The following BICC1 variants were observed in gnomAD, a reference collection of about 807,000 sequenced individuals.
BICC1 encodes the protein protein bicaudal C homolog 1.
BICC1 carries 43 observed loss-of-function variants against 111.0 expected under a neutral mutation model. That is an observed-to-expected ratio of 0.39 (90% CI 0.30 to 0.50). The LOEUF (loss-of-function observed/expected upper bound fraction) is 0.50, where lower values mean the gene tolerates loss of function less well. Ranked by LOEUF, BICC1 falls within the 20% of genes least tolerant of loss-of-function variation. BICC1 has a pLI of 0.88. For missense variants in BICC1, 1,091 were observed against 1,203.2 expected, an observed-to-expected ratio of 0.91 and a Z score of 1.38; for synonymous variants, 467 against 434.4, an observed-to-expected ratio of 1.07 and a Z score of -0.93.
chr10:58,803,430 C>A (rs1467139208), intron 15 of BICC1, among the ~76,000 whole-genome samples, 188 bp downstream of exon 15: 2 of 152,068 alleles, frequency 1.3e-5, no homozygotes, highest in Admixed American at 6.5e-5. Context: ...GCAGTATTTA[C>A]CTTAAGTGAG....
rs115556894 is a variant in BICC1 at position 58,695,301 on chromosome 10, C to G, written c.238-6773C>G. 4.1e-3 allele frequency among the ~76,000 whole-genome samples: 629 copies of G among 152,230 alleles called. 12 individuals are homozygous for G. The highest frequency in any genetic ancestry group is 0.014 in the African/African-American group (598 of 41,530). Reference sequence around the variant, plus strand: ...TAGTTGGCTCTTTTCTCACTTAGCTCCCTTCATGGTGAAATGCAGCGAATA... The same window carrying G: ...TAGTTGGCTCTTTTCTCACTTAGCTGCCTTCATGGTGAAATGCAGCGAATA... On this transcript the variant is annotated intron_variant, in intron 2 of 20. Transcript: ENST00000373886.
At chr10:58,567,868 G>C (rs1478207098) in intron 1 of BICC1, among the ~76,000 whole-genome samples, 1 of 152,066 alleles carries the variant, frequency 6.6e-6, no homozygotes, top group Non-Finnish European at 1.5e-5. Context: ...TGTCTTAAGG[G>C]ACTTACTTAC....
chr10:58,668,357 C>A (rs1319923785), intron 2 of BICC1, among the ~76,000 whole-genome samples: 2 of 152,024 alleles, frequency 1.3e-5, no homozygotes, highest in Non-Finnish European at 2.9e-5. Flanking sequence ...AGGGAAAAAT[C>A]AATAAAGCTT....
chr10:58,818,798 G>A (rs1483485578), intron 19 of BICC1, among the ~76,000 whole-genome samples: 1 of 151,774 alleles, frequency 6.6e-6, no homozygotes, highest in African/African-American at 2.4e-5. Context: ...TCCTTATTTT[G>A]TCTTGCTGGT....
In BICC1 at chr10:58,800,912, A is replaced by G. The variant is rs1843525466; in HGVS notation, c.1881A>G (p.Glu627=). ...CAGGTTGTAATGATGCTTTTGTTGAAGTAGGCATGCCTCGAAGTCCTTCCC... is the reference window on the plus strand; with the variant it reads ...CAGGTTGTAATGATGCTTTTGTTGAGGTAGGCATGCCTCGAAGTCCTTCCC... The part of the protein sequence containing the change: ...PTEGCNDAFV[E]VGMPRSPSHS... The change falls in exon 14 of 21, where the codon GAA becomes GAG. Residue 627 remains glutamate (E), a synonymous_variant. Transcript: ENST00000373886. 1 of 1,605,090 alleles carries G rather than the reference A, an allele frequency of 6.2e-7. No individual in the cohort carries two copies. The highest frequency in any genetic ancestry group is 8.5e-7 in the Non-Finnish European group (1 of 1,176,320).
intron 3 of BICC1, among the ~76,000 whole-genome samples, chr10:58,765,478 T>C (rs746284430): frequency 7.9e-5 from 12 of 152,242 alleles, no homozygotes; most frequent in Admixed American, 5.9e-4. Flanking sequence ...ACATGTTCTT[T>C]AAAGTAACGG....
chr10:58,684,009 A>C (rs1839627033), intron 2 of BICC1, among the ~76,000 whole-genome samples: 1 of 152,090 alleles, frequency 6.6e-6, no homozygotes, highest in Admixed American at 6.6e-5. Flanking sequence ...TTGGCTGTGG[A>C]TTTGTCATAA....
At chr10:58,534,805 A>G (rs1289324592) in intron 1 of BICC1, among the ~76,000 whole-genome samples, 2 of 150,738 alleles carry the variant, frequency 1.3e-5, no homozygotes, top group Non-Finnish European at 3.0e-5. Context: ...ACTCAAGGAG[A>G]TACAAGATAA....
intron 17 of BICC1, among the ~76,000 whole-genome samples, chr10:58,810,745 A>G (rs1379622667): frequency 6.6e-6 from 1 of 152,218 alleles, no homozygotes; most frequent in African/African-American, 2.4e-5. Flanking sequence ...TAGAGACCAC[A>G]TCTATGCTTA....
chr10:58,750,457 A>C (rs1424868488), intron 3 of BICC1, among the ~76,000 whole-genome samples: 2 of 152,148 alleles, frequency 1.3e-5, no homozygotes, highest in Non-Finnish European at 2.9e-5. Flanking sequence ...TGTCATTTGG[A>C]ATTATTTTAA....
chr10:58,559,437 G>A (rs1843545039), intron 1 of BICC1, among the ~76,000 whole-genome samples: 1 of 151,412 alleles, frequency 6.6e-6, no homozygotes, highest in Admixed American at 6.6e-5. Context: ...ACCAAATTTT[G>A]TATTTTGATT....
upstream of BICC1, among the ~76,000 whole-genome samples, chr10:58,512,326 C>T (rs1652970757): frequency 6.6e-6 from 1 of 152,152 alleles, no homozygotes; most frequent in African/African-American, 2.4e-5. Flanking sequence ...CTGCGAAAGA[C>T]GGGCATGATT....
At position 58,513,108 on chromosome 10, in the gene BICC1, C is replaced by A. The variant is rs1323879482; in HGVS notation, c.-36C>A. 7.4e-7 allele frequency: 1 copy of A among 1,353,168 alleles called. No individual in the cohort carries two copies. Among genetic ancestry groups the A allele is most frequent in the African/African-American group, 1.5e-5 (1 of 64,960 alleles). 83.8% of individuals were successfully genotyped at this position (1,353,168 alleles called of 1,614,324 possible). On this transcript the variant is annotated 5_prime_UTR_variant, in exon 1 of 21. Transcript: ENST00000373886. ...GGAGGCGGCAGCGCAGGCAGAGCGG[C>A]GGCGGCAGCGGGAGCCCGAGCGCTG...
intron 3 of BICC1, among the ~76,000 whole-genome samples, chr10:58,746,534 G>A (rs1841842073): frequency 6.6e-6 from 1 of 152,134 alleles, no homozygotes; most frequent in Admixed American, 6.6e-5. Flanking sequence ...TGATTGAGGA[G>A]GTGAGTTCTC....
At chr10:58,792,511 C>G (rs984315343) in intron 8 of BICC1, among the ~76,000 whole-genome samples, 1 of 152,144 alleles carries the variant, frequency 6.6e-6, no homozygotes, top group Admixed American at 6.5e-5. Flanking sequence ...TTAACAGAGG[C>G]TTCCCATCAC....
chr10:58,621,306 T>A (rs1187013818), intron 2 of BICC1, among the ~76,000 whole-genome samples: 1 of 152,150 alleles, frequency 6.6e-6, no homozygotes, highest in Non-Finnish European at 1.5e-5. Context: ...AAACAAATTT[T>A]AAAATGTTCT....
intron 1 of BICC1, among the ~76,000 whole-genome samples, chr10:58,532,026 C>CA: frequency 6.6e-6 from 1 of 151,642 alleles, no homozygotes; most frequent in East Asian, 1.9e-4. Flanking sequence ...CTACAATAGC[C>CA]AAAACCTTCC....
intron 20 of BICC1, among the ~76,000 whole-genome samples, chr10:58,827,042 A>T (rs9415589): frequency 0.7 from 106,710 of 152,098 alleles, 37,681 homozygotes; most frequent in Admixed American, 0.74. Flanking sequence ...CTGACTTTTA[A>T]AGTTCTTTTG....
At chr10:58,632,883 A>G (rs941581329) in intron 2 of BICC1, among the ~76,000 whole-genome samples, 1 of 151,988 alleles carries the variant, frequency 6.6e-6, no homozygotes, top group Non-Finnish European at 1.5e-5. Flanking sequence ...AGATAGATAG[A>G]TATCACTTCA....
Sources: allele counts gnomAD v4.1 joint callset (sites outside exome capture counted in the v4.1 genomes callset), GRCh38; gene constraint gnomAD v4.1.1; transcripts MANE v1.5; gene names NCBI Gene and HGNC (gene_info 2026-07-23, HGNC 2026-07-21).